The following GALNTL5 variants were observed in gnomAD, a reference collection of about 807,000 sequenced individuals.
GALNTL5 encodes inactive polypeptide N-acetylgalactosaminyltransferase-like protein 5.
Under a neutral mutation model 51.0 loss-of-function variants are expected in GALNTL5, and 44 were observed. The observed-to-expected ratio is 0.86, with a 90% confidence interval of 0.68 to 1.11. The LOEUF (loss-of-function observed/expected upper bound fraction) is 1.11, where lower values mean the gene tolerates loss of function less well. Among genes scored for constraint, GALNTL5 ranks in the 50% least tolerant of loss-of-function variants. The pLI, the probability that GALNTL5 is intolerant of heterozygous loss-of-function variation, is 0.00. For missense variants in GALNTL5, 528 were observed against 531.8 expected, an observed-to-expected ratio of 0.99 and a Z score of 0.07; for synonymous variants, 192 against 182.8, an observed-to-expected ratio of 1.05 and a Z score of -0.41.
In GALNTL5 at chr7:152,007,934, T is replaced by G. The variant is rs754312240; in HGVS notation, c.1016T>G (p.Leu339Arg). 6 of 1,522,312 alleles carry G rather than the reference T, an allele frequency of 3.9e-6. No individual in the cohort carries two copies. Among genetic ancestry groups the G allele is most frequent in the Non-Finnish European group, 5.5e-6 (6 of 1,097,130 alleles). 94.3% of individuals were successfully genotyped at this position (1,522,312 alleles called of 1,614,324 possible). Reference sequence around the variant, plus strand: ...TTTTGGGGAAGAGAAAATTTGGAACTTTCACTAAGGGTAATTCAGATTTCA... The same window carrying G: ...TTTTGGGGAAGAGAAAATTTGGAACGTTCACTAAGGGTAATTCAGATTTCA... The part of the protein sequence containing the change: ...MDFWGRENLE[L>R]SLRIWMCGGQ... Residue 339 changes from leucine (L) to arginine (R), a missense_variant, in exon 7 of 9, where the codon CTT (leucine) becomes CGT (arginine). By Grantham distance (102) the Leu-to-Arg change is moderately radical (BLOSUM62 -2). Transcript: ENST00000392800.
intron 1 of GALNTL5, among the ~76,000 whole-genome samples, chr7:151,959,763 G>T (rs780045331): frequency 2.0e-5 from 3 of 152,152 alleles, no homozygotes; most frequent in Non-Finnish European, 4.4e-5. Context: ...CCTACTTATT[G>T]ATCTGGTGGC....
intron 2 of GALNTL5, among the ~76,000 whole-genome samples, chr7:151,967,974 A>G (rs2081080848): frequency 6.6e-6 from 1 of 152,092 alleles, no homozygotes. Flanking sequence ...TATGTTTGTA[A>G]GATTATTTTT....
At chr7:152,011,197 A>G (rs2081733846) in intron 7 of GALNTL5, among the ~76,000 whole-genome samples, 1 of 152,166 alleles carries the variant, frequency 6.6e-6, no homozygotes, top group African/African-American at 2.4e-5. Context: ...CCCTGTTTCT[A>G]AGTCACTTCC....
At chr7:151,994,921 T>A (rs1563017404) in intron 5 of GALNTL5, 1 of 152,082 alleles carries the variant, frequency 6.6e-6, no homozygotes, top group Non-Finnish European at 1.5e-5. Context: ...CACGCCCGGC[T>A]AATTTTTTGT....
chr7:151,956,778 C>G (rs142194840), intron 1 of GALNTL5, among the ~76,000 whole-genome samples, 169 bp downstream of exon 1: 1 of 151,986 alleles, frequency 6.6e-6, no homozygotes, highest in African/African-American at 2.4e-5. Flanking sequence ...GAAGGAGTAG[C>G]CTCCTAGCTG....
intron 4 of GALNTL5, 35 bp from the exon 5 acceptor site, chr7:151,987,124 G>A (rs749993875): frequency 1.1e-5 from 17 of 1,543,066 alleles, no homozygotes; most frequent in Middle Eastern, 1.8e-4. Flanking sequence ...TATAGTTGCC[G>A]TTTATACATT....
chr7:151,982,923 GA>G, intron 3 of GALNTL5, 62 bp from the exon 4 acceptor site: 1 of 1,612,188 alleles, frequency 6.2e-7, no homozygotes, highest in Non-Finnish European at 8.5e-7. Context: ...GTGTTTGAAC[GA>G]GATGACACAA....
In GALNTL5 at chr7:151,987,249, G is replaced by A. The variant is rs370379371; in HGVS notation, c.626G>A (p.Arg209Gln). Residue 209 changes from arginine to glutamine, a missense_variant, in exon 5 of 9, where the codon CGA (arginine) becomes CAA (glutamine). Coordinates refer to ENST00000392800, the MANE Select transcript of GALNTL5 (RefSeq NM_145292.4). ...IRNKKREGLI[R>Q]ARLIGASHAS... ...AACAAAAAGAGAGAGGGGCTGATTC[G>A]AGCAAGGCTGATTGGAGCTTCTCAT... 1.7e-5 allele frequency: 27 copies of A among 1,592,850 alleles called. No homozygotes were observed. Among genetic ancestry groups the A allele is most frequent in the East Asian group, 1.4e-4 (6 of 44,010 alleles).
At chr7:151,961,917 C>T (rs913420394) in intron 1 of GALNTL5, among the ~76,000 whole-genome samples, 4 of 151,626 alleles carry the variant, frequency 2.6e-5, no homozygotes, top group Non-Finnish European at 5.9e-5. Context: ...TCAGCAGGTC[C>T]CTGCCCAGTT....
intron 3 of GALNTL5, among the ~76,000 whole-genome samples, chr7:151,975,348 G>T (rs1297906034): frequency 2.0e-5 from 3 of 152,022 alleles, no homozygotes; most frequent in Admixed American, 1.3e-4. Context: ...TATCCAATTT[G>T]TTGGCATATA....
chr7:151,957,142 GAAAA>G lies in GALNTL5; in HGVS notation c.-40+547_-40+550del, dbSNP rs71198743. 5.5e-3 allele frequency among the ~76,000 whole-genome samples: 549 copies of G among 100,208 alleles called. 2 individuals carry two copies. Among genetic ancestry groups the G allele is most frequent in the African/African-American group, 0.017 (517 of 29,792 alleles). 65.7% of individuals were successfully genotyped at this position (100,208 alleles called of 152,430 possible). ...ATGAAAGAGTGAGACTCTGTCTCGAGAAAAAAAAAAAAAAAAAGGAAAAAAAGTG... is the reference window on the plus strand; with the variant it reads ...ATGAAAGAGTGAGACTCTGTCTCGAGAAAAAAAAAAAAAGGAAAAAAAGTG... On this transcript the variant is annotated intron_variant, in intron 1 of 8. Transcript: ENST00000392800.
At chr7:152,010,831 C>G (rs1372928887) in intron 7 of GALNTL5, among the ~76,000 whole-genome samples, 2 of 151,998 alleles carry the variant, frequency 1.3e-5, no homozygotes, top group Non-Finnish European at 2.9e-5. Flanking sequence ...ATGGGACCCT[C>G]TAAAAGGAGA....
chr7:152,019,551 T>G (rs1306985187), intron 8 of GALNTL5, 95 bp from the exon 9 acceptor site: 1 of 1,247,960 alleles, frequency 8.0e-7, no homozygotes, highest in African/African-American at 1.5e-5. Flanking sequence ...TTAGTTCACA[T>G]GATGAAAATA....
chr7:151,992,861 T>C (rs911703619), intron 5 of GALNTL5, among the ~76,000 whole-genome samples: 10 of 152,032 alleles, frequency 6.6e-5, no homozygotes, highest in Non-Finnish European at 1.5e-5. Flanking sequence ...TAGGTGTAGA[T>C]GTAAATATCT....
intron 5 of GALNTL5, among the ~76,000 whole-genome samples, chr7:152,001,161 C>G (rs896759452): frequency 6.6e-6 from 1 of 151,940 alleles, no homozygotes; most frequent in African/African-American, 2.4e-5. Context: ...GATCCACCCC[C>G]CTCAGCCTCC....
rs771248730 is a variant in GALNTL5, at chr7:151,967,494, G to C, written c.247+1G>C. 4.2e-5 allele frequency: 68 copies of C among 1,609,224 alleles called. No homozygotes were observed. The highest frequency in any genetic ancestry group is 5.8e-5 in the Non-Finnish European group (68 of 1,177,248). Reference sequence around the variant, plus strand: ...GAAGATAAAGCAAAGTCTATGTTAGGTAAGTATTTGGATTTTTTTCCGTTA... The same window carrying C: ...GAAGATAAAGCAAAGTCTATGTTAGCTAAGTATTTGGATTTTTTTCCGTTA... On this transcript the variant is annotated splice_donor_variant, in intron 2 of 8. Transcript: ENST00000392800. LOFTEE classifies it high-confidence loss of function.
At chr7:151,965,299 T>C (rs769264992) in intron 1 of GALNTL5, among the ~76,000 whole-genome samples, 1 of 152,332 alleles carries the variant, frequency 6.6e-6, no homozygotes, top group East Asian at 1.9e-4. Context: ...TAAAATCTCA[T>C]GTGCATTGAT....
At chr7:152,004,898 G>GT (rs1314640220) in intron 6 of GALNTL5, among the ~76,000 whole-genome samples, 1 of 152,164 alleles carries the variant, frequency 6.6e-6, no homozygotes, top group Admixed American at 6.5e-5. Context: ...GTTGTGAATA[G>GT]TGCTGTGATA....
At chr7:152,009,838 C>G (rs1563025314) in intron 7 of GALNTL5, among the ~76,000 whole-genome samples, 1 of 152,196 alleles carries the variant, frequency 6.6e-6, no homozygotes, top group Non-Finnish European at 1.5e-5. Context: ...TAGTAGGATA[C>G]TTGCATCAGT....
Sources: allele counts gnomAD v4.1 joint callset (sites outside exome capture counted in the v4.1 genomes callset), GRCh38; gene constraint gnomAD v4.1.1; transcripts MANE v1.5; gene names NCBI Gene and HGNC (gene_info 2026-07-23, HGNC 2026-07-21).